The following ATP6V0D2 variants were observed in gnomAD, a reference collection of about 807,000 sequenced individuals.
ATP6V0D2 encodes the protein ATPase H+ transporting V0 subunit d2.
ATP6V0D2 carries 40 observed loss-of-function variants against 40.0 expected under a neutral mutation model. The ratio of observed to expected loss-of-function variants is 1.00; its 90% CI spans 0.78 to 1.30. The LOEUF is 1.30. ATP6V0D2 is among the 50% of genes most tolerant of loss of function. ATP6V0D2 has a pLI of 0.00. For missense variants in ATP6V0D2, 470 were observed against 423.1 expected (o/e 1.11, Z -0.97); for synonymous variants, 179 against 156.3 (o/e 1.15, Z -1.08).
intron 1 of ATP6V0D2, among the ~76,000 whole-genome samples, chr8:86,105,471 G>C (rs991892216): frequency 6.6e-6 from 1 of 151,720 alleles, no homozygotes; most frequent in Non-Finnish European, 1.5e-5. Flanking sequence ...ACTAATTTTT[G>C]TATTTTTGTA....
intron 2 of ATP6V0D2, among the ~76,000 whole-genome samples, chr8:86,139,015 G>A (rs943146971): frequency 2.0e-5 from 3 of 152,232 alleles, no homozygotes; most frequent in Admixed American, 1.3e-4. Flanking sequence ...ATCACTTGAC[G>A]TCAAGAGTTT....
chr8:86,119,261 C>T (rs113860659), intron 2 of ATP6V0D2, among the ~76,000 whole-genome samples: 230 of 128,168 alleles, frequency 1.8e-3, no homozygotes, highest in African/African-American at 6.6e-3. Context: ...GAGATGGAGT[C>T]ACTCTCACCC....
chr8:86,110,129 C>T (rs548341202), intron 1 of ATP6V0D2, among the ~76,000 whole-genome samples: 2 of 152,212 alleles, frequency 1.3e-5, no homozygotes, highest in East Asian at 3.9e-4. Flanking sequence ...GTCTGTCATT[C>T]CTTTGCCCAG....
intron 2 of ATP6V0D2, among the ~76,000 whole-genome samples, chr8:86,138,076 C>A (rs772357198): frequency 6.6e-6 from 1 of 152,130 alleles, no homozygotes; most frequent in South Asian, 2.1e-4. Flanking sequence ...TCTTGTCTTT[C>A]GGGGCCCAAC....
At position 86,151,553 on chromosome 8, in the gene ATP6V0D2, T is replaced by C; in HGVS notation, c.891+13T>C. 1 of 1,583,852 alleles carries C rather than the reference T, an allele frequency of 6.3e-7. No individual in the cohort carries two copies. The highest frequency in any genetic ancestry group is 8.6e-7 in the Non-Finnish European group (1 of 1,162,834). On this transcript the variant is annotated intron_variant, in intron 7 of 7. Transcript: ENST00000285393. Reference sequence around the variant, plus strand: ...TTACGAGCGTGAGGTATGATATAAGTGGAAATACTATTAGCTTATTTTTCT... The same window carrying C: ...TTACGAGCGTGAGGTATGATATAAGCGGAAATACTATTAGCTTATTTTTCT...
chr8:86,125,260 A>G (rs1262570492), intron 2 of ATP6V0D2, among the ~76,000 whole-genome samples: 4 of 152,188 alleles, frequency 2.6e-5, no homozygotes, highest in Admixed American at 2.6e-4. Flanking sequence ...CTGTATGGCA[A>G]GGCATCAATC....
At chr8:86,117,081 TAAGA>T (rs1330480168) in intron 2 of ATP6V0D2, among the ~76,000 whole-genome samples, 1 of 152,228 alleles carries the variant, frequency 6.6e-6, no homozygotes, top group Non-Finnish European at 1.5e-5. Flanking sequence ...ATTTGTAAAT[TAAGA>T]AAGTTTAGCC....
At position 86,145,203 on chromosome 8, in the gene ATP6V0D2, GAAA is replaced by G. The variant is rs1175609546; in HGVS notation, c.639+2250_639+2252del. ...GAGAGAAAGAAAGAAAGAAAAGAAAGAAAGAAAGAAAGAAAGAAAGAAAGAAAG... is the reference window on the plus strand; with the variant it reads ...GAGAGAAAGAAAGAAAGAAAAGAAAGGAAAGAAAGAAAGAAAGAAAGAAAG... On this transcript the variant is annotated intron_variant, in intron 5 of 7. Transcript: ENST00000285393. 7.6e-3 allele frequency among the ~76,000 whole-genome samples: 81 copies of G among 10,708 alleles called. 1 individual carries two copies. The highest frequency in any genetic ancestry group is 0.056 in the South Asian group (28 of 504). The allele number at this position is 10,708 out of a possible 152,430, so 7.0% of individuals were successfully genotyped here.
In ATP6V0D2 at chr8:86,151,555, G is replaced by A. The variant is rs1819153678; in HGVS notation, c.891+15G>A. 1 of 1,579,020 alleles carries A rather than the reference G, an allele frequency of 6.3e-7. No homozygotes were observed. The highest frequency in any genetic ancestry group is 1.2e-5 in the South Asian group (1 of 85,862). On this transcript the variant is annotated intron_variant, in intron 7 of 7. Transcript: ENST00000285393. ...ACGAGCGTGAGGTATGATATAAGTG[G>A]AAATACTATTAGCTTATTTTTCTCT...
At chr8:86,131,822 T>C (rs1317950604) in intron 2 of ATP6V0D2, among the ~76,000 whole-genome samples, 1 of 152,088 alleles carries the variant, frequency 6.6e-6, no homozygotes, top group Non-Finnish European at 1.5e-5. Context: ...TAAAAACATA[T>C]GCAAAAATTG....
In ATP6V0D2 at chr8:86,152,992, T is replaced by C. The variant is rs1563568810; in HGVS notation, c.*15T>C. Reference sequence around the variant, plus strand: ...CAATTTTATAACCCAAGTAAGGTTCTCAAATGTAGAAAATTATAAATGTTA... The same window carrying C: ...CAATTTTATAACCCAAGTAAGGTTCCCAAATGTAGAAAATTATAAATGTTA... On this transcript the variant is annotated 3_prime_UTR_variant, in exon 8 of 8. Coordinates refer to ENST00000285393, the MANE Select transcript of ATP6V0D2 (RefSeq NM_152565.1). 6.4e-7 allele frequency: 1 copy of C among 1,558,128 alleles called. No homozygotes were observed. Among genetic ancestry groups the C allele is most frequent in the African/African-American group, 1.4e-5 (1 of 72,078 alleles).
chr8:86,103,527 G>C (rs946510996), intron 1 of ATP6V0D2, among the ~76,000 whole-genome samples: 4 of 152,016 alleles, frequency 2.6e-5, no homozygotes, highest in Admixed American at 2.0e-4. Context: ...CAAGGGGCTT[G>C]AGCTTCAGAG....
chr8:86,145,513 A>G (rs1457699486), intron 5 of ATP6V0D2, among the ~76,000 whole-genome samples: 1 of 152,206 alleles, frequency 6.6e-6, no homozygotes, highest in African/African-American at 2.4e-5. Context: ...TCTCCAAAAA[A>G]TATTCTTGTT....
intron 2 of ATP6V0D2, among the ~76,000 whole-genome samples, chr8:86,119,395 A>G (rs1342427119): frequency 6.6e-6 from 1 of 151,904 alleles, no homozygotes; most frequent in East Asian, 1.9e-4. Context: ...TACCCAGCTA[A>G]TTTTTGTGTT....
chr8:86,151,776 AC>A (rs1418846658), intron 7 of ATP6V0D2, among the ~76,000 whole-genome samples: 3 of 131,012 alleles, frequency 2.3e-5, no homozygotes, highest in African/African-American at 8.5e-5. Flanking sequence ...TTTTTTTTAT[AC>A]CCTCCTAAAA....
chr8:86,149,466 T>C (rs2626345), intron 5 of ATP6V0D2, among the ~76,000 whole-genome samples: 130,996 of 152,126 alleles, frequency 0.86, 56,584 homozygotes, highest in Middle Eastern at 0.91. Flanking sequence ...TGTAGCCACA[T>C]TCCAGCATCT....
chr8:86,132,994 A>G (rs1422153901), intron 2 of ATP6V0D2, among the ~76,000 whole-genome samples: 1 of 151,978 alleles, frequency 6.6e-6, no homozygotes, highest in African/African-American at 2.4e-5. Context: ...AGCATATTTT[A>G]TTGTTTGTCT....
At chr8:86,115,779 G>T (rs1818584224) in intron 2 of ATP6V0D2, among the ~76,000 whole-genome samples, 1 of 152,160 alleles carries the variant, frequency 6.6e-6, no homozygotes, top group African/African-American at 2.4e-5. Flanking sequence ...GCTGAACAAA[G>T]TTAAGTGGAC....
intron 2 of ATP6V0D2, among the ~76,000 whole-genome samples, chr8:86,132,616 A>G (rs1047444567): frequency 6.6e-6 from 1 of 152,126 alleles, no homozygotes; most frequent in Non-Finnish European, 1.5e-5. Context: ...TTTACTTAAC[A>G]TATTGACCTG....
Sources: gnomAD v4.1 joint callset for allele counts (sites outside exome capture counted in the v4.1 genomes callset) on GRCh38, gnomAD v4.1.1 for gene constraint, MANE v1.5 for transcripts, NCBI Gene and HGNC (gene_info 2026-07-23, HGNC 2026-07-21) for gene names.